FBXO31: variants seen among roughly 807,000 people sequenced by gnomAD.
FBXO31 encodes F-box only protein 31.
Under a neutral mutation model 54.4 loss-of-function variants are expected in FBXO31, and 24 were observed. That is an observed-to-expected ratio of 0.44 (90% CI 0.32 to 0.62). FBXO31 has a LOEUF of 0.62. Among genes scored for constraint, FBXO31 ranks in the 20% least tolerant of loss-of-function variants. FBXO31 has a pLI of 0.05. For missense variants in FBXO31, 665 were observed against 787.1 expected, an observed-to-expected ratio of 0.84 and a Z score of 1.86; for synonymous variants, 388 against 335.6, an observed-to-expected ratio of 1.16 and a Z score of -1.71.
chr16:87,388,378 C>CT (rs2150704788), upstream of FBXO31, among the ~76,000 whole-genome samples: 1 of 152,380 alleles, frequency 6.6e-6, no homozygotes, highest in East Asian at 1.9e-4. Flanking sequence ...GCTCCCTGCA[C>CT]TCCTCTTGAG....
chr16:87,374,445 T>C (rs752047706), intron 1 of FBXO31, among the ~76,000 whole-genome samples: 1 of 152,164 alleles, frequency 6.6e-6, no homozygotes, highest in African/African-American at 2.4e-5. Flanking sequence ...TATTGGGTAC[T>C]GCACTGAAAG....
chr16:87,329,722 G>C lies in FBXO31; in HGVS notation c.*1566C>G, dbSNP rs1374831251. The stretch of plus-strand genomic sequence containing the variant: ...CGTGGCTCCCGCTGCTGCCGCCCTG[G>C]AAGGGCGCTTTCTCCACTGGCTTTT... On this transcript the variant is annotated 3_prime_UTR_variant, in exon 9 of 9. Coordinates refer to ENST00000311635, the MANE Select transcript of FBXO31 (RefSeq NM_024735.5). The C allele has an allele frequency of 6.6e-6, 1 of 152,266 alleles. No homozygotes were observed. Among genetic ancestry groups the C allele is most frequent in the Admixed American group, 6.5e-5 (1 of 15,286 alleles). 9.4% of individuals were successfully genotyped at this position (152,266 alleles called of 1,614,324 possible).
intron 2 of FBXO31, among the ~76,000 whole-genome samples, chr16:87,352,347 G>A (rs559255530): frequency 6.6e-6 from 1 of 152,220 alleles, no homozygotes; most frequent in African/African-American, 2.4e-5. Flanking sequence ...ATGTGAATAA[G>A]GACATCGCTA....
At chr16:87,333,008 T>C (rs1410749324) in intron 8 of FBXO31, among the ~76,000 whole-genome samples, 1 of 152,212 alleles carries the variant, frequency 6.6e-6, no homozygotes, top group African/African-American at 2.4e-5. Context: ...CATGGAGCAC[T>C]TGAAACATGG....
At chr16:87,331,534 T>G (rs1183649984) in intron 8 of FBXO31, 24 bp from the exon 9 acceptor site, 2 of 1,569,088 alleles carry the variant, frequency 1.3e-6, no homozygotes, top group Admixed American at 3.5e-5. Flanking sequence ...AGAGGGAAAC[T>G]GTGAGCTGGG....
At chr16:87,342,558 C>T (rs946837630) in intron 5 of FBXO31, among the ~76,000 whole-genome samples, 11 of 152,188 alleles carry the variant, frequency 7.2e-5, no homozygotes, top group African/African-American at 2.7e-4. Flanking sequence ...CAGCTCACAT[C>T]CTAGAAGCAG....
Position 87,380,992 on chromosome 16 carries a change from C to T in FBXO31, c.340+2413G>A, listed in dbSNP as rs370902054. Among the ~76,000 whole-genome samples the T allele has an allele frequency of 2.0e-3, 312 of 152,280 alleles. 2 individuals are homozygous for T. Among genetic ancestry groups the T allele is most frequent in the African/African-American group, 7.2e-3 (299 of 41,564 alleles). ...ATACCTTACGGTTTCCCAAACAAAC[C>T]CCCCAGAGGTCACCACACAGGTCTG... On this transcript the variant is annotated intron_variant, in intron 1 of 8. Coordinates refer to ENST00000311635, the MANE Select transcript of FBXO31 (RefSeq NM_024735.5).
At chr16:87,331,551 C>G (rs1407723152) in intron 8 of FBXO31, 41 bp from the exon 9 acceptor site, 1 of 1,526,832 alleles carries the variant, frequency 6.5e-7, no homozygotes, top group Admixed American at 1.9e-5. Flanking sequence ...TGGGGGAGGG[C>G]TGAGTCAAAT....
chr16:87,375,261 C>G (rs1002682760), intron 1 of FBXO31, among the ~76,000 whole-genome samples: 4 of 152,060 alleles, frequency 2.6e-5, no homozygotes, highest in African/African-American at 9.7e-5. Context: ...GAGCCAAGAT[C>G]GCGCCACTGC....
intron 1 of FBXO31, among the ~76,000 whole-genome samples, chr16:87,376,344 G>A (rs996584477): frequency 1.1e-4 from 16 of 151,488 alleles, no homozygotes; most frequent in African/African-American, 3.9e-4. Context: ...CGCGATCTCA[G>A]CTCACTGTAA....
intron 1 of FBXO31, among the ~76,000 whole-genome samples, chr16:87,378,690 G>A (rs1164572110): frequency 2.0e-5 from 3 of 152,082 alleles, no homozygotes; most frequent in Non-Finnish European, 4.4e-5. Context: ...GGCTGGGCGC[G>A]GTGGCTCACG....
rs149652798 is a variant in FBXO31, at chr16:87,338,030, G to C, written c.733-1766C>G. 2.7e-3 allele frequency among the ~76,000 whole-genome samples: 414 copies of C among 152,254 alleles called. 3 individuals are homozygous for C. The highest frequency in any genetic ancestry group is 9.8e-3 in the African/African-American group (406 of 41,548). On this transcript the variant is annotated intron_variant, in intron 5 of 8. Coordinates refer to ENST00000311635, the MANE Select transcript of FBXO31 (RefSeq NM_024735.5). The surrounding 1 kb of genome is among the most constrained non-coding windows in gnomAD (Gnocchi z 4.3). ...AGAAACAAAAGTAACTGAATGTAAT[G>C]AACAAAGATTTCAATGTTACCGCTG...
rs1219798480 is a variant in FBXO31, at chr16:87,383,755, G to A, written c.-11C>T. 48 of 1,199,728 alleles carry A rather than the reference G, an allele frequency of 4.0e-5. No homozygotes were observed. The highest frequency in any genetic ancestry group is 4.6e-5 in the Non-Finnish European group (45 of 969,690). 74.3% of individuals were successfully genotyped at this position (1,199,728 alleles called of 1,614,324 possible). On this transcript the variant is annotated 5_prime_UTR_variant, in exon 1 of 9. Coordinates refer to ENST00000311635, the MANE Select transcript of FBXO31 (RefSeq NM_024735.5). The surrounding 1 kb of genome is among the most constrained non-coding windows in gnomAD (Gnocchi z 4.9). ...AGCACACACCGCCATGCCGCCCAGT[G>A]ACGGCCACTGCTGCCGCCTGTGCGC...
chr16:87,382,782 G>A (rs1460029406), intron 1 of FBXO31, among the ~76,000 whole-genome samples: 4 of 152,114 alleles, frequency 2.6e-5, no homozygotes, highest in Non-Finnish European at 5.9e-5. Context: ...ACAGGCGCCC[G>A]CTACCACGCC....
chr16:87,392,012 C>A, upstream of FBXO31: 1 of 173,640 alleles, frequency 5.8e-6, no homozygotes, highest in Non-Finnish European at 1.2e-5. Flanking sequence ...GCGCTGCCAT[C>A]TCCTCAGGGC....
At position 87,346,196 on chromosome 16, in the gene FBXO31, A is replaced by T. The variant is rs112055949; in HGVS notation, c.489+978T>A. Among the ~76,000 whole-genome samples, 9 of 152,254 alleles carry T rather than the reference A, an allele frequency of 5.9e-5. No homozygotes were observed. The highest frequency in any genetic ancestry group is 2.2e-4 in the African/African-American group (9 of 41,556). On this transcript the variant is annotated intron_variant, in intron 3 of 8. Transcript: ENST00000311635. This position sits in a 1 kb window ranked among gnomAD's most constrained non-coding sequence, Gnocchi z 4.2. ...AACGGGACGCTTCCCCAAGCCTGAGACGCGCGCATACCCCGGGCCTGCGCA... is the reference window on the plus strand; with the variant it reads ...AACGGGACGCTTCCCCAAGCCTGAGTCGCGCGCATACCCCGGGCCTGCGCA...
At position 87,347,264 on chromosome 16, in the gene FBXO31, G is replaced by C. The variant is rs908772998; in HGVS notation, c.413-14C>G. The C allele has an allele frequency of 5.0e-6, 8 of 1,612,942 alleles. No homozygotes were observed. The African/African-American group carries it at 9.3e-5, about 19-fold the overall frequency. On this transcript the variant is annotated splice_polypyrimidine_tract_variant and intron_variant, in intron 2 of 8. Transcript: ENST00000311635. ...ATCGGTGAAGCACTACAGGAGGAGA[G>C]AAAGAGCAAGTCTCTGTGTTAGACC...
chr16:87,363,424 C>T (rs1181712305), intron 1 of FBXO31, among the ~76,000 whole-genome samples: 2 of 152,302 alleles, frequency 1.3e-5, no homozygotes, highest in African/African-American at 4.8e-5. Context: ...ACCGGCTCAT[C>T]TCCTTTGCCT....
chr16:87,350,032 C>G (rs4843598), intron 2 of FBXO31, among the ~76,000 whole-genome samples: 1 of 152,138 alleles, frequency 6.6e-6, no homozygotes, highest in African/African-American at 2.4e-5. Flanking sequence ...ATGCACAGTC[C>G]ACATGTTGGC....
Sources: allele counts gnomAD v4.1 joint callset (sites outside exome capture counted in the v4.1 genomes callset), GRCh38; gene constraint gnomAD v4.1.1; non-coding constraint Gnocchi (gnomAD v3.1); transcripts MANE v1.5; gene names NCBI Gene and HGNC (gene_info 2026-07-23, HGNC 2026-07-21).